The following TRAPPC9 variants were observed in gnomAD, a reference collection of about 807,000 sequenced individuals.
The protein encoded by TRAPPC9 is IKK2 binding protein.
In TRAPPC9, 83 loss-of-function variants were observed where a neutral mutation model predicts 124.0. That is an observed-to-expected ratio of 0.67 (90% CI 0.56 to 0.80). TRAPPC9 has a LOEUF of 0.80. Ranked by LOEUF, TRAPPC9 falls within the 30% of genes least tolerant of loss-of-function variation. The pLI, the probability that TRAPPC9 is intolerant of heterozygous loss-of-function variation, is 0.00. For synonymous variants in TRAPPC9, 638 were observed against 617.5 expected (o/e 1.03, Z -0.49); for missense variants, 1,302 against 1,508.3 (o/e 0.86, Z 2.27).
intron 9 of TRAPPC9, among the ~76,000 whole-genome samples, chr8:140,337,753 G>C (rs2067082702): frequency 6.6e-6 from 1 of 152,194 alleles, no homozygotes; most frequent in South Asian, 2.1e-4. Flanking sequence ...AACAGAGGGA[G>C]GTGGAGCCAA....
intron 9 of TRAPPC9, among the ~76,000 whole-genome samples, chr8:140,349,401 C>T (rs2067469872): frequency 7.7e-6 from 1 of 130,410 alleles, no homozygotes; most frequent in South Asian, 2.6e-4. Flanking sequence ...CCGATGGGGG[C>T]GCGCGAGGGA....
chr8:140,386,716 A>G (rs2068763700), intron 7 of TRAPPC9, among the ~76,000 whole-genome samples: 2 of 152,232 alleles, frequency 1.3e-5, no homozygotes, highest in African/African-American at 4.8e-5. Flanking sequence ...AGGAAGAATC[A>G]ATATCGTGAA....
chr8:140,313,204 C>T (rs919625121), intron 9 of TRAPPC9, among the ~76,000 whole-genome samples: 3 of 152,208 alleles, frequency 2.0e-5, no homozygotes. Flanking sequence ...TCCCAAAGGG[C>T]TCCAGCTGAT....
At chr8:140,130,008 C>T (rs1045889523) in intron 17 of TRAPPC9, among the ~76,000 whole-genome samples, 49 of 152,122 alleles carry the variant, frequency 3.2e-4, no homozygotes, top group Non-Finnish European at 7.1e-4. Flanking sequence ...AGGGCTGGAG[C>T]AGGGAAAGGA....
rs950441892 is a variant in TRAPPC9, at chr8:140,037,940, G to A, written c.2557-13861C>T. On this transcript the variant is annotated intron_variant, in intron 17 of 22. Transcript: ENST00000438773. ...AGAGCTTCCCTCGTGCTGCATGGTA[G>A]GAAAGTTGCTGAAAGCTGTATTGTT... Among the ~76,000 whole-genome samples the A allele has an allele frequency of 6.3e-5, 5 of 78,980 alleles. 1 individual carries two copies. Among genetic ancestry groups the A allele is most frequent in the Non-Finnish European group, 1.5e-4 (4 of 26,422 alleles). The allele number at this position is 78,980 out of a possible 152,430, so 51.8% of individuals were successfully genotyped here. A position where few individuals can be genotyped will look rare whatever the true frequency, so the allele number is the denominator to read the frequency against.
intron 17 of TRAPPC9, chr8:140,040,341 A>G (rs1587565548): frequency 6.6e-6 from 1 of 152,240 alleles, no homozygotes; most frequent in Non-Finnish European, 1.5e-5. Flanking sequence ...ATCCATGGAC[A>G]CTGCCAAGGT....
chr8:140,345,064 G>A (rs2067301890), intron 9 of TRAPPC9, among the ~76,000 whole-genome samples: 1 of 152,246 alleles, frequency 6.6e-6, no homozygotes, highest in Non-Finnish European at 1.5e-5. Flanking sequence ...GCGAAGGCAG[G>A]GTGGGCGGGT....
rs571622542 is a variant in TRAPPC9, at chr8:139,885,869, G to A, written c.3055+10C>T. 21 of 1,557,394 alleles carry A rather than the reference G, an allele frequency of 1.3e-5. No individual in the cohort carries two copies. In the Admixed American group the frequency reaches 1.5e-4, roughly 11 times the overall value. On this transcript the variant is annotated intron_variant, in intron 21 of 22. Coordinates refer to ENST00000438773, the MANE Select transcript of TRAPPC9 (RefSeq NM_001160372.4). The stretch of plus-strand genomic sequence containing the variant: ...CACCCAGAATCGATGGGTGGCTGGC[G>A]GGTACTCACCCCACTGCAGAGGCGC...
intron 19 of TRAPPC9, among the ~76,000 whole-genome samples, chr8:139,961,335 T>C (rs977713315): frequency 8.1e-6 from 1 of 124,020 alleles, no homozygotes; most frequent in African/African-American, 2.6e-5. Flanking sequence ...GCTGGGGCTG[T>C]ATACTCCATG....
intron 18 of TRAPPC9, among the ~76,000 whole-genome samples, chr8:139,996,661 C>T (rs1838019616): frequency 1.3e-5 from 2 of 152,238 alleles, no homozygotes; most frequent in Admixed American, 6.5e-5. Context: ...GCCACACCCC[C>T]AAAAAGAATT....
chr8:139,879,733 CAG>C (rs1163423088), intron 21 of TRAPPC9, among the ~76,000 whole-genome samples: 7 of 152,348 alleles, frequency 4.6e-5, no homozygotes, highest in Non-Finnish European at 8.8e-5. Context: ...AGAGAGAAGA[CAG>C]AGAAAGAAAC....
At chr8:140,381,406 G>A (rs982313260) in intron 7 of TRAPPC9, among the ~76,000 whole-genome samples, 11 of 151,998 alleles carry the variant, frequency 7.2e-5, no homozygotes, top group African/African-American at 2.2e-4. Context: ...AGTGGCTCGC[G>A]CCTGTAATTC....
rs548752998 is a variant in TRAPPC9 at position 139,991,703 on chromosome 8, TA to T, written c.2700-2868del. 2.6e-5 allele frequency among the ~76,000 whole-genome samples: 4 copies of T among 152,240 alleles called. No homozygotes were observed. In the East Asian group the frequency reaches 7.7e-4, roughly 29 times the overall value. On this transcript the variant is annotated intron_variant, in intron 18 of 22. Transcript: ENST00000438773. ...AGGGGACAGACACGTTTGCCTGGCT[TA>T]GAAGACACAAGGGAACAAAGTCCTG...
intron 2 of TRAPPC9, among the ~76,000 whole-genome samples, chr8:140,441,118 A>G (rs1448434973): frequency 6.6e-6 from 1 of 151,284 alleles, no homozygotes; most frequent in Non-Finnish European, 1.5e-5. Context: ...AACTGGGACC[A>G]CAGGTGTGCA....
chr8:140,188,872 G>C (rs2062412138), intron 17 of TRAPPC9, among the ~76,000 whole-genome samples: 1 of 152,200 alleles, frequency 6.6e-6, no homozygotes, highest in Non-Finnish European at 1.5e-5. Context: ...CAGAATTCCA[G>C]CTGAAATTGA....
At chr8:139,921,343 TG>T (rs1167006146) in intron 19 of TRAPPC9, among the ~76,000 whole-genome samples, 1 of 152,166 alleles carries the variant, frequency 6.6e-6, no homozygotes, top group African/African-American at 2.4e-5. Flanking sequence ...GCTGTCATCT[TG>T]CAGGCCCTAA....
chr8:139,995,213 C>T (rs73725370), intron 18 of TRAPPC9, among the ~76,000 whole-genome samples: 16,225 of 152,246 alleles, frequency 0.11, 1,722 homozygotes, highest in African/African-American at 0.28. Flanking sequence ...AACTGAAAGG[C>T]AGCGTGGACT....
At chr8:140,062,840 C>G (rs1255077309) in intron 17 of TRAPPC9, among the ~76,000 whole-genome samples, 2 of 152,186 alleles carry the variant, frequency 1.3e-5, no homozygotes, top group Non-Finnish European at 2.9e-5. Context: ...CAGAGCCACC[C>G]AGCACCCCGA....
At chr8:139,779,440 G>T (rs1350294480) in intron 21 of TRAPPC9, among the ~76,000 whole-genome samples, 1 of 152,118 alleles carries the variant, frequency 6.6e-6, no homozygotes, top group Non-Finnish European at 1.5e-5. Flanking sequence ...ACAGGAAATG[G>T]TAACTACATG....
Sources: allele counts gnomAD v4.1 joint callset (sites outside exome capture counted in the v4.1 genomes callset), GRCh38; gene constraint gnomAD v4.1.1; transcripts MANE v1.5; gene names NCBI Gene and HGNC (gene_info 2026-07-23, HGNC 2026-07-21).